The following CPM variants were observed in gnomAD, a reference collection of about 807,000 sequenced individuals.
The protein encoded by CPM is renal carboxypeptidase.
Under a neutral mutation model 46.4 loss-of-function variants are expected in CPM, and 35 were observed. That is an observed-to-expected ratio of 0.75 (90% CI 0.58 to 1.00). The LOEUF (loss-of-function observed/expected upper bound fraction) is 1.00. CPM is among the 50% of genes least tolerant of loss of function. CPM has a pLI of 0.00. For synonymous variants in CPM, 195 were observed against 195.3 expected (o/e 1.00, Z 0.01); for missense variants, 422 against 530.4 (o/e 0.80, Z 2.01).
At chr12:68,939,553 A>T (rs1888729070) in intron 1 of CPM, among the ~76,000 whole-genome samples, 1 of 151,964 alleles carries the variant, frequency 6.6e-6, no homozygotes, top group Non-Finnish European at 1.5e-5. Context: ...TTATATCTCC[A>T]TTGGACAAAA....
intron 2 of CPM, among the ~76,000 whole-genome samples, chr12:68,900,162 C>A (rs1887054723): frequency 6.6e-6 from 1 of 151,994 alleles, no homozygotes; most frequent in South Asian, 2.1e-4. Flanking sequence ...AGAAAGAATT[C>A]TGAAAACCCA....
rs1295315286 is a variant in CPM, at chr12:68,945,170, A to G, written c.-3-12330T>C. On this transcript the variant is annotated intron_variant, in intron 1 of 8. Coordinates refer to the CPM transcript ENST00000546373. ...CTTTAGCAGAATTCAGGTCCCTCCAATAACCCTAATCTTGTGGCCTTTCAT... is the reference window on the plus strand; with the variant it reads ...CTTTAGCAGAATTCAGGTCCCTCCAGTAACCCTAATCTTGTGGCCTTTCAT... Among the ~76,000 whole-genome samples the G allele has an allele frequency of 3.3e-5, 5 of 152,298 alleles. No homozygotes were observed. The East Asian group carries it at 5.8e-4, about 18-fold the overall frequency.
At chr12:68,922,916 GTTGT>G (rs1008839318) in intron 2 of CPM, among the ~76,000 whole-genome samples, 5 of 151,818 alleles carry the variant, frequency 3.3e-5, no homozygotes, top group African/African-American at 9.7e-5. Context: ...TTTTTTGTTT[GTTGT>G]TTGTTTGTTT....
chr12:68,860,346 T>C (rs1265852777), intron 7 of CPM, among the ~76,000 whole-genome samples: 2 of 152,224 alleles, frequency 1.3e-5, no homozygotes, highest in Non-Finnish European at 2.9e-5. Context: ...TACTGCTTGA[T>C]ACATATCCTT....
At chr12:68,882,314 C>T (rs931216602) in intron 3 of CPM, among the ~76,000 whole-genome samples, 28 of 152,144 alleles carry the variant, frequency 1.8e-4, no homozygotes, top group Middle Eastern at 3.4e-3. Context: ...ATGTTTAGTT[C>T]CCACTTATAA....
At chr12:68,887,649 G>GGTCA (rs1886487861) in intron 2 of CPM, among the ~76,000 whole-genome samples, 2 of 152,014 alleles carry the variant, frequency 1.3e-5, no homozygotes, top group African/African-American at 4.8e-5. Context: ...ACTGAACCTG[G>GGTCA]GTCAGATTGC....
At position 68,863,096 on chromosome 12, in the gene CPM, CTTGT is replaced by C. The variant is rs1022640487; in HGVS notation, c.940+3796_940+3799del. Reference sequence around the variant, plus strand: ...AGCTGGGACAGTACTTAGGAGACTGCTTGTTTGTGCCCATGTCCCCACCGCATGG... The same window carrying C: ...AGCTGGGACAGTACTTAGGAGACTGCTTGTGCCCATGTCCCCACCGCATGG... On this transcript the variant is annotated intron_variant, in intron 7 of 8. Transcript: ENST00000551568. Among the ~76,000 whole-genome samples, 23 of 152,264 alleles carry C rather than the reference CTTGT, an allele frequency of 1.5e-4. No homozygotes were observed. In the South Asian group the frequency reaches 3.1e-3, roughly 21 times the overall value.
At chr12:68,950,716 A>C (rs933204768) in intron 1 of CPM, among the ~76,000 whole-genome samples, 3 of 151,674 alleles carry the variant, frequency 2.0e-5, no homozygotes, top group South Asian at 2.1e-4. Flanking sequence ...AGCTTCCGCG[A>C]CCCCCAGGCC....
chr12:68,897,398 T>C (rs1886918610), intron 2 of CPM, among the ~76,000 whole-genome samples: 1 of 151,160 alleles, frequency 6.6e-6, no homozygotes, highest in Non-Finnish European at 1.5e-5. Context: ...GAGGAAGAGG[T>C]CAAACATAAC....
intron 2 of CPM, among the ~76,000 whole-genome samples, chr12:68,926,679 A>C (rs1888275456): frequency 6.6e-6 from 1 of 152,080 alleles, no homozygotes; most frequent in African/African-American, 2.4e-5. Flanking sequence ...GTCATTTAGC[A>C]TTAGGTATAT....
chr12:68,954,425 C>G (rs978344150), intron 1 of CPM, among the ~76,000 whole-genome samples: 19 of 152,198 alleles, frequency 1.2e-4, no homozygotes, highest in Non-Finnish European at 1.9e-4. Context: ...CACTCCCTCT[C>G]CTTGAAGCAC....
At chr12:68,935,243 ATTGTTTGT>A (rs67250545), upstream of CPM, among the ~76,000 whole-genome samples, 84,731 of 147,794 alleles carry the variant, frequency 0.57, 25,111 homozygotes, top group East Asian at 0.71. Flanking sequence ...AAGTTGTTTT[ATTGTTTGT>A]TTGTTTGTTT....
At chr12:68,939,662 A>T (rs1888731287) in intron 1 of CPM, among the ~76,000 whole-genome samples, 1 of 152,080 alleles carries the variant, frequency 6.6e-6, no homozygotes, top group Non-Finnish European at 1.5e-5. Flanking sequence ...TTCACCTTAG[A>T]TGGACTGGTT....
At chr12:68,934,256 G>T (rs1888626423), upstream of CPM, among the ~76,000 whole-genome samples, 1 of 152,130 alleles carries the variant, frequency 6.6e-6, no homozygotes, top group African/African-American at 2.4e-5. Flanking sequence ...CACTTTTACA[G>T]ACTAAAAATA....
intron 2 of CPM, among the ~76,000 whole-genome samples, chr12:68,918,255 C>T (rs935232076): frequency 1.4e-4 from 22 of 152,102 alleles, no homozygotes; most frequent in African/African-American, 2.4e-4. Context: ...TGCTATAGCT[C>T]GATTCTGGCC....
intron 1 of CPM, among the ~76,000 whole-genome samples, chr12:68,938,380 C>T (rs1046944316): frequency 6.6e-6 from 1 of 150,866 alleles, no homozygotes; most frequent in Non-Finnish European, 1.5e-5. Flanking sequence ...TTCTGGGTGA[C>T]AGAATGAGAC....
intron 5 of CPM, chr12:68,843,118 A>G (rs1448572608): frequency 1.8e-5 from 4 of 223,116 alleles, no homozygotes; most frequent in Admixed American, 1.1e-4. Context: ...AAGCCACACA[A>G]TAATTTTGGA....
intron 1 of CPM, among the ~76,000 whole-genome samples, chr12:68,961,861 A>G (rs915176810): frequency 3.3e-5 from 5 of 152,168 alleles, no homozygotes; most frequent in Admixed American, 2.0e-4. Flanking sequence ...ATTATTTTTA[A>G]TGTTTAAAGT....
intron 7 of CPM, among the ~76,000 whole-genome samples, chr12:68,861,053 G>A (rs796962335): frequency 6.6e-6 from 1 of 151,584 alleles, no homozygotes; most frequent in African/African-American, 2.4e-5. Flanking sequence ...GCTAATTTTT[G>A]TATTTTTTTG....
Sources: allele counts gnomAD v4.1 joint callset (sites outside exome capture counted in the v4.1 genomes callset), GRCh38; gene constraint gnomAD v4.1.1; transcripts MANE v1.5; gene names NCBI Gene and HGNC (gene_info 2026-07-23, HGNC 2026-07-21).